Variants in PCDHA10 observed in about 807,000 individuals in gnomAD.
The protein encoded by PCDHA10 is protocadherin alpha 10, also known as protocadherin alpha-10.
Under a neutral mutation model 61.2 loss-of-function variants are expected in PCDHA10, and 45 were observed. The ratio of observed to expected loss-of-function variants is 0.74; its 90% CI spans 0.58 to 0.94. PCDHA10 has a LOEUF of 0.94. PCDHA10 is among the 40% of genes least tolerant of loss of function. The pLI, the probability that PCDHA10 is intolerant of heterozygous loss-of-function variation, is 0.00. For synonymous variants in PCDHA10, 602 were observed against 548.8 expected, an observed-to-expected ratio of 1.10 and a Z score of -1.35; for missense variants, 1,278 against 1,236.2, an observed-to-expected ratio of 1.03 and a Z score of -0.51.
chr5:140,878,274 C>G (rs1273765492), intron 1 of PCDHA10, among the ~76,000 whole-genome samples: 3 of 152,092 alleles, frequency 2.0e-5, no homozygotes, highest in Non-Finnish European at 1.5e-5. Flanking sequence ...TTTAAAATAG[C>G]CTTCTTGATC....
chr5:140,904,365 A>G (rs1036617665), intron 1 of PCDHA10, among the ~76,000 whole-genome samples: 2 of 151,790 alleles, frequency 1.3e-5, no homozygotes, highest in African/African-American at 4.8e-5. Context: ...CCATTATTTC[A>G]TTCCTTTTTA....
intron 1 of PCDHA10, chr5:140,877,544 C>A (rs782624202): frequency 6.2e-7 from 1 of 1,613,676 alleles, no homozygotes; most frequent in African/African-American, 1.3e-5. Context: ...GATCCCGAAG[C>A]GGCTCTGGTG....
intron 1 of PCDHA10, chr5:140,875,916 G>GC: frequency 6.2e-7 from 1 of 1,614,086 alleles, no homozygotes. Context: ...CTGCGCCTCT[G>GC]GACTCTCATT....
intron 3 of PCDHA10, among the ~76,000 whole-genome samples, chr5:141,002,682 G>C (rs536105955): frequency 6.6e-6 from 1 of 152,140 alleles, no homozygotes; most frequent in African/African-American, 2.4e-5. Context: ...CCTATACGAC[G>C]TGCAGATTTG....
In PCDHA10 at chr5:140,856,541, G is replaced by A. The variant is rs1554148841; in HGVS notation, c.493G>A (p.Ala165Thr). The A allele has an allele frequency of 2.5e-6, 4 of 1,598,164 alleles. 1 individual carries two copies. The highest frequency in any genetic ancestry group is 3.4e-6 in the Non-Finnish European group (4 of 1,167,670). Residue 165 changes from alanine (A) to threonine (T), a missense_variant, in exon 1 of 4, where the codon GCA becomes ACA. Physicochemically the swap from Ala to Thr is moderately conservative, Grantham distance 58 (BLOSUM62 0). Transcript: ENST00000307360. ...ATCTGATGCGGATGTTGGAGAGAACGCATTGCTTACTTACAAACTCAGTCC... is the reference window on the plus strand; with the variant it reads ...ATCTGATGCGGATGTTGGAGAGAACACATTGCTTACTTACAAACTCAGTCC... The part of the protein sequence containing the change: ...GASDADVGEN[A>T]LLTYKLSPNE...
chr5:140,940,468 C>A (rs2092618066), intron 1 of PCDHA10, among the ~76,000 whole-genome samples: 1 of 151,866 alleles, frequency 6.6e-6, no homozygotes, highest in African/African-American at 2.4e-5. Flanking sequence ...CTGTTCCCTG[C>A]AATTTTTTTT....
At chr5:140,867,507 C>A (rs190699676) in intron 1 of PCDHA10, 36 of 152,086 alleles carry the variant, frequency 2.4e-4, no homozygotes, top group African/African-American at 7.5e-4. Context: ...AGAACAAAAT[C>A]TCAAATTAAT....
intron 3 of PCDHA10, among the ~76,000 whole-genome samples, chr5:140,995,578 T>C (rs1554254730): frequency 1.3e-5 from 2 of 152,256 alleles, no homozygotes; most frequent in African/African-American, 4.8e-5. Flanking sequence ...AGATGAGCTA[T>C]GAGCTTTTAA....
rs1178891192 is a variant in PCDHA10 at position 140,856,923 on chromosome 5, T to A, written c.875T>A (p.Phe292Tyr). 6.3e-7 allele frequency: 1 copy of A among 1,595,300 alleles called. No individual in the cohort carries two copies. Among genetic ancestry groups the A allele is most frequent in the Non-Finnish European group, 8.6e-7 (1 of 1,165,416 alleles). The stretch of plus-strand genomic sequence containing the variant: ...GTCCCACCCACGATAAGAAGGAAAT[T>A]TTGGATAAACGAAAGGACGGGAGAA... ...SLVPPTIRRK[F>Y]WINERTGEIK... is the part of the protein sequence containing the mutation. Residue 292 changes from phenylalanine to tyrosine, a missense_variant, in exon 1 of 4, where the codon TTT becomes TAT. Transcript: ENST00000307360.
At chr5:140,914,339 C>T (rs1554196289) in intron 1 of PCDHA10, among the ~76,000 whole-genome samples, 1 of 152,130 alleles carries the variant, frequency 6.6e-6, no homozygotes, top group East Asian at 1.9e-4. Flanking sequence ...CCTTCTTTGT[C>T]TCTTTTTGGA....
At chr5:140,901,439 A>G (rs2068668793) in intron 1 of PCDHA10, among the ~76,000 whole-genome samples, 1 of 152,164 alleles carries the variant, frequency 6.6e-6, no homozygotes, top group South Asian at 2.1e-4. Flanking sequence ...ATGGATATCT[A>G]GTTTCCCAGC....
intron 3 of PCDHA10, among the ~76,000 whole-genome samples, chr5:140,996,121 G>A (rs2097712758): frequency 6.6e-6 from 1 of 152,212 alleles, no homozygotes; most frequent in Admixed American, 6.5e-5. Flanking sequence ...GTGCAGGGTG[G>A]TGTAGAGGGT....
intron 1 of PCDHA10, among the ~76,000 whole-genome samples, chr5:140,943,363 T>C (rs1192531762): frequency 2.0e-5 from 3 of 148,712 alleles, no homozygotes; most frequent in Non-Finnish European, 4.5e-5. Flanking sequence ...GGAAAGGAGA[T>C]CATTAAAATA....
chr5:140,957,333 A>T (rs2095351211), intron 1 of PCDHA10, among the ~76,000 whole-genome samples: 1 of 152,164 alleles, frequency 6.6e-6, no homozygotes, highest in African/African-American at 2.4e-5. Context: ...GTACAGTAAG[A>T]TATTTTGAGA....
At chr5:141,004,100 ATCT>A (rs1241437793) in intron 3 of PCDHA10, among the ~76,000 whole-genome samples, 4 of 152,204 alleles carry the variant, frequency 2.6e-5, no homozygotes, top group Non-Finnish European at 5.9e-5. Context: ...TTCCGTTTTC[ATCT>A]TCTTCAAAAG....
intron 1 of PCDHA10, among the ~76,000 whole-genome samples, chr5:140,872,594 T>A (rs1554166277): frequency 1.3e-5 from 2 of 152,130 alleles, no homozygotes; most frequent in African/African-American, 2.4e-5. Context: ...GAGACCCCCA[T>A]CTGAAAAAAT....
In PCDHA10 at chr5:141,010,257, G is replaced by T; in HGVS notation, c.*320G>T. On this transcript the variant is annotated 3_prime_UTR_variant, in exon 4 of 4. Coordinates refer to ENST00000307360, the MANE Select transcript of PCDHA10 (RefSeq NM_018901.4). ...AGTGAGAGGTTGGACTCTCTGCCCT[G>T]TGCTCCGGGGATCCTGTCTTGATGA... 6.4e-7 allele frequency: 1 copy of T among 1,551,794 alleles called. No homozygotes were observed. The highest frequency in any genetic ancestry group is 8.7e-7 in the Non-Finnish European group (1 of 1,147,016).
At chr5:140,951,403 G>A (rs62384504) in intron 1 of PCDHA10, among the ~76,000 whole-genome samples, 5,903 of 152,130 alleles carry the variant, frequency 0.039, 173 homozygotes, top group Non-Finnish European at 0.058. Flanking sequence ...AAGAAAAGAG[G>A]TTTAATTGGC....
At chr5:140,892,550 A>G (rs1337911954) in intron 1 of PCDHA10, among the ~76,000 whole-genome samples, 1 of 152,202 alleles carries the variant, frequency 6.6e-6, no homozygotes, top group East Asian at 1.9e-4. Context: ...TTGTTTCTCT[A>G]GTCCTTGGAG....
Sources: allele counts gnomAD v4.1 joint callset (sites outside exome capture counted in the v4.1 genomes callset), GRCh38; gene constraint gnomAD v4.1.1; transcripts MANE v1.5; gene names NCBI Gene and HGNC (gene_info 2026-07-23, HGNC 2026-07-21).